NOL4: variants seen among roughly 807,000 people sequenced by gnomAD.
The protein encoded by NOL4 is cancer/testis antigen 125.
Under a neutral mutation model 75.9 loss-of-function variants are expected in NOL4, and 17 were observed. The ratio of observed to expected loss-of-function variants is 0.22; its 90% CI spans 0.15 to 0.34. The LOEUF (loss-of-function observed/expected upper bound fraction) is 0.34, where lower values mean the gene tolerates loss of function less well. Ranked by LOEUF, NOL4 falls within the 10% of genes least tolerant of loss-of-function variation. NOL4 has a pLI of 1.00. For synonymous variants in NOL4, 292 were observed against 289.9 expected (o/e 1.01, Z -0.07); for missense variants, 614 against 793.5 (o/e 0.77, Z 2.72).
chr18:34,003,043 T>C (rs922823927), intron 6 of NOL4, among the ~76,000 whole-genome samples: 1 of 152,130 alleles, frequency 6.6e-6, no homozygotes, highest in African/African-American at 2.4e-5. Flanking sequence ...ATTCTCTGTG[T>C]CCTTGCATAA....
chr18:34,170,961 TAC>T (rs1600789285), intron 1 of NOL4, among the ~76,000 whole-genome samples: 1 of 152,146 alleles, frequency 6.6e-6, no homozygotes, highest in Non-Finnish European at 1.5e-5. Flanking sequence ...ATAAATAAAA[TAC>T]AGTTTTCTAT....
intron 1 of NOL4, among the ~76,000 whole-genome samples, chr18:34,189,460 A>G (rs1367659688): frequency 6.6e-6 from 1 of 152,178 alleles, no homozygotes; most frequent in East Asian, 1.9e-4. Flanking sequence ...AAACGTAGCA[A>G]GCAGTTTGAC....
rs2064435276 is a variant in NOL4 at position 33,883,417 on chromosome 18, G to C, written c.1550C>G (p.Ser517Cys). 3.1e-6 allele frequency: 5 copies of C among 1,605,626 alleles called. No individual in the cohort carries two copies. Among genetic ancestry groups the C allele is most frequent in the Middle Eastern group, 1.7e-4 (1 of 5,970 alleles). ...RMRLERQQDE[S>C]APADKQCKPE... The stretch of plus-strand genomic sequence containing the variant: ...TTTACACTGTTTGTCAGCTGGAGCA[G>C]ACTCATCCTGCAAGGACAGACAGCA... The change falls in exon 10 of 11, where the codon TCT becomes TGT. Residue 517 changes from serine to cysteine, a missense_variant. This residue lies in a region of NOL4 where 128 missense variants were observed against 159.9 expected (regional missense o/e 0.80). Coordinates refer to ENST00000261592, the MANE Select transcript of NOL4 (RefSeq NM_003787.5).
At chr18:34,143,401 T>C in intron 1 of NOL4, among the ~76,000 whole-genome samples, 1 of 152,204 alleles carries the variant, frequency 6.6e-6, no homozygotes, top group Admixed American at 6.5e-5. Context: ...TTCATTGATT[T>C]TTGCTGAACC....
At chr18:34,104,417 A>G (rs2079175998) in intron 3 of NOL4, among the ~76,000 whole-genome samples, 1 of 152,012 alleles carries the variant, frequency 6.6e-6, no homozygotes, top group Non-Finnish European at 1.5e-5. Flanking sequence ...AAATAAACCT[A>G]ATGTGGTTAC....
chr18:34,163,983 A>T (rs2031940130), intron 1 of NOL4, among the ~76,000 whole-genome samples: 5 of 152,204 alleles, frequency 3.3e-5, no homozygotes, highest in Admixed American at 3.3e-4. Context: ...AAAAACAAGC[A>T]ATGGGGAAAG....
intron 5 of NOL4, among the ~76,000 whole-genome samples, chr18:34,044,273 A>C (rs2076265230): frequency 6.6e-6 from 1 of 152,052 alleles, no homozygotes; most frequent in Non-Finnish European, 1.5e-5. Context: ...AATTATAGCA[A>C]TTATCCATAT....
chr18:33,864,510 A>G (rs1333886043), intron 10 of NOL4, among the ~76,000 whole-genome samples: 1 of 152,116 alleles, frequency 6.6e-6, no homozygotes, highest in Non-Finnish European at 1.5e-5. Context: ...CCTGGACTTC[A>G]TTATCCACAT....
chr18:33,870,895 C>A (rs943711179), intron 10 of NOL4, among the ~76,000 whole-genome samples: 3 of 151,992 alleles, frequency 2.0e-5, no homozygotes, highest in African/African-American at 7.2e-5. Context: ...TTGTTTCCCT[C>A]CGTGGCCATT....
intron 9 of NOL4, among the ~76,000 whole-genome samples, chr18:33,921,402 T>C (rs2067028588): frequency 6.6e-6 from 1 of 152,056 alleles, no homozygotes; most frequent in South Asian, 2.1e-4. Flanking sequence ...TTGCTATGGG[T>C]TGAATTGTGT....
chr18:33,900,152 T>C (rs1158006198), intron 9 of NOL4, among the ~76,000 whole-genome samples: 1 of 152,146 alleles, frequency 6.6e-6, no homozygotes, highest in Non-Finnish European at 1.5e-5. Flanking sequence ...GGAAAGCTTC[T>C]GGTGAGGTCT....
At chr18:34,025,920 C>A (rs1481421640) in intron 5 of NOL4, among the ~76,000 whole-genome samples, 4 of 152,072 alleles carry the variant, frequency 2.6e-5, no homozygotes, top group East Asian at 1.9e-4. Flanking sequence ...CCTACCCCTG[C>A]CCTTCAACAG....
chr18:34,053,303 A>G (rs1396063106), intron 5 of NOL4, among the ~76,000 whole-genome samples: 1 of 151,830 alleles, frequency 6.6e-6, no homozygotes, highest in Non-Finnish European at 1.5e-5. Context: ...ACAAACAGAA[A>G]ACTGTTGAAA....
intron 5 of NOL4, among the ~76,000 whole-genome samples, chr18:34,092,189 AT>A (rs1402278288): frequency 6.6e-6 from 1 of 152,158 alleles, no homozygotes; most frequent in African/African-American, 2.4e-5. Flanking sequence ...TACAATGGCC[AT>A]TAAAAAAATA....
At chr18:33,856,874 G>A (rs1599638068) in intron 10 of NOL4, among the ~76,000 whole-genome samples, 1 of 151,948 alleles carries the variant, frequency 6.6e-6, no homozygotes, top group African/African-American at 2.4e-5. Flanking sequence ...CTACTACTGA[G>A]GAGAGTAAAA....
At chr18:34,015,460 C>T (rs1416136432) in intron 6 of NOL4, among the ~76,000 whole-genome samples, 1 of 151,970 alleles carries the variant, frequency 6.6e-6, no homozygotes. Flanking sequence ...TGAAATGCTC[C>T]ACATTTTGGC....
Position 33,885,287 on chromosome 18 carries a change from C to T in NOL4, c.1543-1863G>A, listed in dbSNP as rs189351779. 4.6e-5 allele frequency among the ~76,000 whole-genome samples: 7 copies of T among 152,066 alleles called. No individual in the cohort carries two copies. The East Asian group carries it at 1.4e-3, about 30-fold the overall frequency. On this transcript the variant is annotated intron_variant, in intron 9 of 10. Coordinates refer to ENST00000261592, the MANE Select transcript of NOL4 (RefSeq NM_003787.5). The stretch of plus-strand genomic sequence containing the variant: ...TTAAATCATAGAAATCCCAATACCC[C>T]ACAAGCACAGGCAACGAAGGCAAAA...
intron 1 of NOL4, among the ~76,000 whole-genome samples, chr18:34,193,088 A>G (rs2035040233): frequency 1.3e-5 from 2 of 152,222 alleles, no homozygotes. Flanking sequence ...GGACTAAGGC[A>G]CATACCATAT....
intron 5 of NOL4, among the ~76,000 whole-genome samples, chr18:34,067,017 T>C (rs113818696): frequency 0.023 from 3,476 of 152,184 alleles, 55 homozygotes; most frequent in Non-Finnish European, 0.036. Flanking sequence ...ATAGAAAATA[T>C]ATTTTTTCAT....
Sources: allele counts gnomAD v4.1 joint callset (sites outside exome capture counted in the v4.1 genomes callset), GRCh38; gene constraint gnomAD v4.1.1; regional missense constraint gnomAD v4.1.1; transcripts MANE v1.5; gene names NCBI Gene and HGNC (gene_info 2026-07-23, HGNC 2026-07-21).